The following DNM2 variants were observed in gnomAD, a reference collection of about 807,000 sequenced individuals.
The protein encoded by DNM2 is dynamin-2.
DNM2 carries 15 observed loss-of-function variants against 99.0 expected under a neutral mutation model. The observed-to-expected ratio is 0.15, with a 90% CI of 0.10 to 0.23. The LOEUF is 0.23. Ranked by LOEUF, DNM2 falls within the 10% of genes least tolerant of loss-of-function variation. The pLI is 1.00. For synonymous variants in DNM2, 525 were observed against 481.2 expected, an observed-to-expected ratio of 1.09 and a Z score of -1.19; for missense variants, 742 against 1,189.4, an observed-to-expected ratio of 0.62 and a Z score of 5.53.
chr19:10,773,635 T>G (rs912136600), intron 3 of DNM2, among the ~76,000 whole-genome samples: 1 of 151,666 alleles, frequency 6.6e-6, no homozygotes, highest in Admixed American at 6.6e-5. Flanking sequence ...TATTTTTTAT[T>G]TTTTTTATTT....
intron 2 of DNM2, among the ~76,000 whole-genome samples, chr19:10,771,474 C>G (rs546335253): frequency 3.3e-4 from 50 of 152,186 alleles, no homozygotes; most frequent in South Asian, 2.3e-3. Context: ...CTTGAATAGT[C>G]AGGGGGAGAA....
intron 2 of DNM2, among the ~76,000 whole-genome samples, chr19:10,762,945 C>G (rs1351516370): frequency 6.6e-6 from 1 of 152,204 alleles, no homozygotes; most frequent in African/African-American, 2.4e-5. Context: ...TAGTTGCATC[C>G]TGTTGGGCTG....
chr19:10,758,251 T>G (rs1478662169), intron 1 of DNM2, among the ~76,000 whole-genome samples: 2 of 145,398 alleles, frequency 1.4e-5, no homozygotes, highest in Admixed American at 6.9e-5. Flanking sequence ...CCTTTCTTCC[T>G]TCCCTCCTTC....
rs1374630690 is a variant in DNM2, at chr19:10,764,091, C to T, written c.235+4280C>T. Among the ~76,000 whole-genome samples the T allele has an allele frequency of 1.3e-5, 2 of 152,130 alleles. No individual in the cohort carries two copies. The highest frequency in any genetic ancestry group is 6.5e-5 in the Admixed American group (1 of 15,272). On this transcript the variant is annotated intron_variant, in intron 2 of 20. Transcript: ENST00000389253. This position sits in a 1 kb window ranked among gnomAD's most constrained non-coding sequence, Gnocchi z 4.1. ...GGGCATCAGTGATTGCTGGGGCCGG[C>T]GGGGCCTTGTGGGGTATACACCAGA...
At chr19:10,774,937 T>G (rs1342694680) in intron 3 of DNM2, among the ~76,000 whole-genome samples, 1 of 151,856 alleles carries the variant, frequency 6.6e-6, no homozygotes, top group Non-Finnish European at 1.5e-5. Flanking sequence ...GCCAGGCTAA[T>G]TTTTTATATT....
intron 1 of DNM2, among the ~76,000 whole-genome samples, chr19:10,732,630 CG>C (rs2069371813): frequency 6.6e-6 from 1 of 151,916 alleles, no homozygotes; most frequent in Non-Finnish European, 1.5e-5. Flanking sequence ...TCACCCTGTC[CG>C]GAAGTGCACA....
At chr19:10,735,255 G>A (rs557829096) in intron 1 of DNM2, among the ~76,000 whole-genome samples, 216 of 152,070 alleles carry the variant, frequency 1.4e-3, no homozygotes, top group African/African-American at 5.1e-3. Flanking sequence ...AGCCAGGATG[G>A]TCTCGATCTC....
intron 1 of DNM2, among the ~76,000 whole-genome samples, chr19:10,721,148 A>G (rs1004330005): frequency 2.0e-5 from 3 of 151,978 alleles, no homozygotes; most frequent in East Asian, 1.9e-4. Context: ...CCTGCAATGC[A>G]GGAGTTGCTC....
At chr19:10,786,756 AT>A in intron 7 of DNM2, 50 bp downstream of exon 7, 1 of 1,611,838 alleles carries the variant, frequency 6.2e-7, no homozygotes, top group Non-Finnish European at 8.5e-7. Context: ...CCTGCCTTCC[AT>A]CAGCCACAGG....
intron 18 of DNM2, among the ~76,000 whole-genome samples, chr19:10,828,566 G>A (rs578153676): frequency 8.7e-5 from 13 of 150,206 alleles, no homozygotes; most frequent in Non-Finnish European, 1.6e-4. Context: ...CAACCTGGGC[G>A]ACAGTGAGAC....
chr19:10,779,358 C>T (rs1307945845), intron 5 of DNM2, among the ~76,000 whole-genome samples: 2 of 151,954 alleles, frequency 1.3e-5, no homozygotes, highest in Non-Finnish European at 2.9e-5. Flanking sequence ...CCACTTTCAA[C>T]GTGCCCAGCA....
chr19:10,767,045 C>T (rs2070820630), intron 2 of DNM2, among the ~76,000 whole-genome samples: 2 of 152,076 alleles, frequency 1.3e-5, no homozygotes, highest in African/African-American at 4.8e-5. Context: ...TCTGGAAATG[C>T]CTGTCTGCAG....
chr19:10,757,978 C>T (rs1310558342), intron 1 of DNM2, among the ~76,000 whole-genome samples: 1 of 150,550 alleles, frequency 6.6e-6, no homozygotes, highest in Non-Finnish European at 1.5e-5. Flanking sequence ...AAAAGAAATT[C>T]CCTGTGCCTA....
intron 2 of DNM2, among the ~76,000 whole-genome samples, chr19:10,762,101 C>T (rs1406468200): frequency 6.6e-6 from 1 of 152,116 alleles, no homozygotes; most frequent in African/African-American, 2.4e-5. Context: ...AGTACAGTGG[C>T]GGGTGATCTT....
intron 7 of DNM2, among the ~76,000 whole-genome samples, chr19:10,790,127 C>T (rs1183809999): frequency 2.0e-5 from 3 of 152,232 alleles, no homozygotes; most frequent in Admixed American, 6.5e-5. Flanking sequence ...TCTCGGTTCA[C>T]GCCTTACAAG....
intron 1 of DNM2, among the ~76,000 whole-genome samples, chr19:10,746,748 T>TG (rs2069999871): frequency 6.9e-6 from 1 of 143,900 alleles, no homozygotes. Flanking sequence ...TTTTTTTTTT[T>TG]GAGACAGTCT....
At chr19:10,759,703 C>T in intron 1 of DNM2, 35 bp from the exon 2 acceptor site, 2 of 1,613,606 alleles carry the variant, frequency 1.2e-6, no homozygotes, top group Non-Finnish European at 1.7e-6. Context: ...GATCCGGACG[C>T]AAGAGTAATT....
intron 1 of DNM2, among the ~76,000 whole-genome samples, chr19:10,734,235 C>A (rs75592254): frequency 1.3e-5 from 2 of 148,340 alleles, no homozygotes; most frequent in African/African-American, 5.0e-5. Context: ...CCCAGCCACT[C>A]GGGAGGCTGA....
At chr19:10,800,975 G>A (rs1006851950) in intron 11 of DNM2, among the ~76,000 whole-genome samples, 2 of 152,180 alleles carry the variant, frequency 1.3e-5, no homozygotes, top group Admixed American at 6.5e-5. Flanking sequence ...AATTAGCTTC[G>A]CAGTTTTAAT....
Sources: allele counts gnomAD v4.1 joint callset (sites outside exome capture counted in the v4.1 genomes callset), GRCh38; gene constraint gnomAD v4.1.1; non-coding constraint Gnocchi (gnomAD v3.1); transcripts MANE v1.5; gene names NCBI Gene and HGNC (gene_info 2026-07-23, HGNC 2026-07-21).